Variants in ANKRD12 observed in about 807,000 individuals in gnomAD.
The protein encoded by ANKRD12 is ankyrin repeat domain 12.
In ANKRD12, 85 loss-of-function variants were observed where a neutral mutation model predicts 183.4. The observed-to-expected ratio is 0.46, with a 90% confidence interval of 0.39 to 0.56. The LOEUF (loss-of-function observed/expected upper bound fraction) is 0.56. Ranked by LOEUF, ANKRD12 falls within the 20% of genes least tolerant of loss-of-function variation. The pLI is 0.00. For synonymous variants in ANKRD12, 914 were observed against 800.2 expected, an observed-to-expected ratio of 1.14 and a Z score of -2.40; for missense variants, 2,405 against 2,357.1, an observed-to-expected ratio of 1.02 and a Z score of -0.42.
chr18:9,267,837 GT>G (rs1567998176), intron 10 of ANKRD12, among the ~76,000 whole-genome samples: 1 of 152,078 alleles, frequency 6.6e-6, no homozygotes, highest in African/African-American at 2.4e-5. Flanking sequence ...CCAGGAGCTG[GT>G]TTTTTGAAAA....
chr18:9,251,451 T>C (rs919335948), intron 8 of ANKRD12, among the ~76,000 whole-genome samples: 1 of 152,234 alleles, frequency 6.6e-6, no homozygotes, highest in African/African-American at 2.4e-5. Context: ...TTCAAATGTA[T>C]TTAAATGCAT....
At chr18:9,223,511 A>G (rs983270247) in intron 8 of ANKRD12, among the ~76,000 whole-genome samples, 4 of 152,158 alleles carry the variant, frequency 2.6e-5, no homozygotes, top group Non-Finnish European at 5.9e-5. Flanking sequence ...GAATTTCAGT[A>G]TTGACGTTAG....
Position 9,281,356 on chromosome 18 carries a change from A to G in ANKRD12, c.*230A>G. On this transcript the variant is annotated 3_prime_UTR_variant, in exon 13 of 13. Transcript: ENST00000262126. ...ACTATTATTTATATTGGGAAAGGTA[A>G]CTATTGCATTAGAGCATGTTGGCAG... The G allele has an allele frequency of 2.7e-6, 1 of 369,968 alleles. No individual in the cohort carries two copies. Among genetic ancestry groups the G allele is most frequent in the East Asian group, 5.1e-5 (1 of 19,692 alleles). The allele number at this position is 369,968 out of a possible 1,614,324, so 22.9% of individuals were successfully genotyped here.
At chr18:9,163,798 A>G (rs2031724384) in intron 1 of ANKRD12, among the ~76,000 whole-genome samples, 1 of 152,012 alleles carries the variant, frequency 6.6e-6, no homozygotes, top group Admixed American at 6.6e-5. Context: ...GCAATTATGA[A>G]TGGGAATTCA....
intron 11 of ANKRD12, 82 bp downstream of exon 11, chr18:9,275,749 A>G (rs565350887): frequency 4.1e-5 from 55 of 1,332,598 alleles, no homozygotes; most frequent in Non-Finnish European, 5.4e-5. Context: ...TTCCATAGAA[A>G]GAACTTGAAC....
At chr18:9,250,790 T>G (rs1157200092) in intron 8 of ANKRD12, among the ~76,000 whole-genome samples, 1 of 152,194 alleles carries the variant, frequency 6.6e-6, no homozygotes, top group Admixed American at 6.5e-5. Flanking sequence ...TGAGAGAGTT[T>G]GAAATGGCTC....
intron 8 of ANKRD12, among the ~76,000 whole-genome samples, chr18:9,246,312 A>G (rs1360088956): frequency 2.6e-5 from 4 of 152,196 alleles, no homozygotes; most frequent in Non-Finnish European, 4.4e-5. Context: ...ATAACTGTCA[A>G]TTATGACTAG....
In ANKRD12 at chr18:9,280,933, T is replaced by C; in HGVS notation, c.6004-8T>C. On this transcript the variant is annotated splice_region_variant and splice_polypyrimidine_tract_variant and intron_variant, in intron 12 of 12. Coordinates refer to ENST00000262126, the MANE Select transcript of ANKRD12 (RefSeq NM_015208.5). ...ATAATCAAGTAACTCTTCTCTTCTT[T>C]TAAATAGACCTGTCTTTTAATGAGG... 6.2e-7 allele frequency: 1 copy of C among 1,600,636 alleles called. No homozygotes were observed. Among genetic ancestry groups the C allele is most frequent in the Non-Finnish European group, 8.5e-7 (1 of 1,176,728 alleles).
At chr18:9,232,386 T>C (rs1215307543) in intron 8 of ANKRD12, among the ~76,000 whole-genome samples, 2 of 152,212 alleles carry the variant, frequency 1.3e-5, no homozygotes, top group East Asian at 3.8e-4. Flanking sequence ...GATAATTTTG[T>C]TGGATGTAGT....
At chr18:9,272,958 C>T (rs995519023) in intron 10 of ANKRD12, among the ~76,000 whole-genome samples, 4 of 151,638 alleles carry the variant, frequency 2.6e-5, no homozygotes, top group Non-Finnish European at 5.9e-5. Context: ...GAATGGGAAA[C>T]GTGGGGGTGG....
intron 1 of ANKRD12, among the ~76,000 whole-genome samples, chr18:9,153,368 T>G (rs2143617598): frequency 6.6e-6 from 1 of 152,362 alleles, no homozygotes; most frequent in Admixed American, 6.5e-5. Context: ...CTGATGTTAC[T>G]TTGGGGGAAG....
In ANKRD12 at chr18:9,180,258, T is replaced by C. The variant is rs147596678; in HGVS notation, c.-51-2124T>C. On this transcript the variant is annotated intron_variant, in intron 1 of 12. Transcript: ENST00000262126. ...GTCTGTTTTGTCGATGTTGTTAATA[T>C]AGCCACTCAAGCTTGCTTTCTTTCT... Among the ~76,000 whole-genome samples, 568 of 152,324 alleles carry C rather than the reference T, an allele frequency of 3.7e-3. 5 individuals are homozygous for C. The highest frequency in any genetic ancestry group is 0.013 in the African/African-American group (545 of 41,576).
chr18:9,207,112 G>C (rs927396547), intron 4 of ANKRD12, among the ~76,000 whole-genome samples: 3 of 151,940 alleles, frequency 2.0e-5, no homozygotes, highest in African/African-American at 4.8e-5. Flanking sequence ...ACTTGTAGTT[G>C]CTTATTAAAT....
chr18:9,225,469 C>G (rs2036648534), intron 8 of ANKRD12, among the ~76,000 whole-genome samples: 1 of 48,784 alleles, frequency 2.0e-5, no homozygotes, highest in African/African-American at 6.2e-5. Context: ...GCCAGACTAT[C>G]TTTAAAAAAA....
chr18:9,242,540 A>T (rs185929472), intron 8 of ANKRD12, among the ~76,000 whole-genome samples: 1 of 152,114 alleles, frequency 6.6e-6, no homozygotes, highest in East Asian at 1.9e-4. Flanking sequence ...GGTTAAAAGG[A>T]CCTCCATGTA....
At chr18:9,211,395 G>T (rs892895185) in intron 5 of ANKRD12, among the ~76,000 whole-genome samples, 189 bp from the exon 6 acceptor site, 27 of 152,046 alleles carry the variant, frequency 1.8e-4, no homozygotes, top group Non-Finnish European at 4.4e-5. Context: ...AATGATATTT[G>T]ATAACCCTGA....
chr18:9,265,342 G>A (rs2039224700), intron 10 of ANKRD12, among the ~76,000 whole-genome samples: 1 of 152,230 alleles, frequency 6.6e-6, no homozygotes, highest in Admixed American at 6.5e-5. Context: ...GTGGGTCCCT[G>A]ACCCCCGAGT....
intron 8 of ANKRD12, among the ~76,000 whole-genome samples, chr18:9,229,898 T>C (rs997759193): frequency 2.6e-5 from 4 of 152,178 alleles, no homozygotes; most frequent in African/African-American, 9.7e-5. Context: ...TTTTTACATC[T>C]TTTCATCAGG....
At chr18:9,235,897 A>G (rs1484695959) in intron 8 of ANKRD12, 2 of 275,922 alleles carry the variant, frequency 7.2e-6, no homozygotes, top group South Asian at 7.4e-5. Context: ...GGAAAATCTT[A>G]TAGAAAACTC....
Sources: gnomAD v4.1 joint callset for allele counts (sites outside exome capture counted in the v4.1 genomes callset) on GRCh38, gnomAD v4.1.1 for gene constraint, MANE v1.5 for transcripts, NCBI Gene and HGNC (gene_info 2026-07-23, HGNC 2026-07-21) for gene names.